Variants in EFNA2 observed in about 807,000 individuals in gnomAD.
EFNA2 encodes the protein ephrin-A2.
Under a neutral mutation model 19.7 loss-of-function variants are expected in EFNA2, and 18 were observed. The ratio of observed to expected loss-of-function variants is 0.91; its 90% CI spans 0.63 to 1.35. The LOEUF (loss-of-function observed/expected upper bound fraction) is 1.35, where lower values mean the gene tolerates loss of function less well. EFNA2 is among the 40% of genes most tolerant of loss of function. The pLI is 0.00. For missense variants in EFNA2, 303 were observed against 296.0 expected (o/e 1.02, Z -0.17); for synonymous variants, 187 against 137.8 (o/e 1.36, Z -2.50).
At chr19:1,284,717 T>A (rs2081455375), upstream of EFNA2, among the ~76,000 whole-genome samples, 1 of 152,160 alleles carries the variant, frequency 6.6e-6, no homozygotes. This position sits in a 1 kb window ranked among gnomAD's most constrained non-coding sequence, Gnocchi z 5.3. Flanking sequence ...CATCTCTGGG[T>A]TCACGGTCCC....
upstream of EFNA2, among the ~76,000 whole-genome samples, chr19:1,285,213 C>T (rs1002806491): frequency 2.0e-5 from 3 of 152,250 alleles, no homozygotes; most frequent in East Asian, 1.9e-4. The surrounding 1 kb of genome is among the most constrained non-coding windows in gnomAD (Gnocchi z 4.1). Flanking sequence ...GCTGTGCCCC[C>T]GGGCAGCGGC....
At position 1,296,023 on chromosome 19, in the gene EFNA2, A is replaced by G. The variant is rs12976067; in HGVS notation, c.454+165A>G. Among the ~76,000 whole-genome samples, 4 of 38,758 alleles carry G rather than the reference A, an allele frequency of 1.0e-4. No homozygotes were observed. The highest frequency in any genetic ancestry group is 1.5e-4 in the Non-Finnish European group (3 of 19,464). 25.4% of individuals were successfully genotyped at this position (38,758 alleles called of 152,430 possible). A position where few individuals can be genotyped will look rare whatever the true frequency, so the allele number is the denominator to read the frequency against. ...AGGGGGGAGTGGGCGGGGCCGCGGA[A>G]TGGGGCCAGGGGGGAGTGGGCGGGG... On this transcript the variant is annotated intron_variant, in intron 2 of 3. Transcript: ENST00000215368. This position sits in a 1 kb window ranked among gnomAD's most constrained non-coding sequence, Gnocchi z 4.4.
rs1416305477 is a variant in EFNA2 at position 1,296,384 on chromosome 19, A to C, written c.454+526A>C. 6.6e-6 allele frequency among the ~76,000 whole-genome samples: 1 copy of C among 152,190 alleles called. No individual in the cohort carries two copies. On this transcript the variant is annotated intron_variant, in intron 2 of 3. Coordinates refer to ENST00000215368, the MANE Select transcript of EFNA2 (RefSeq NM_001405.4). This position sits in a 1 kb window ranked among gnomAD's most constrained non-coding sequence, Gnocchi z 4.4. ...CAGCAGGGGAGGGGAGCTTGGTGGA[A>C]GCCACAGCTAGGCTGAGTGCTGGGG...
Position 1,295,885 on chromosome 19 carries a change from G to C in EFNA2, c.454+27G>C. 5.2e-6 allele frequency: 8 copies of C among 1,546,578 alleles called. No homozygotes were observed. The highest frequency in any genetic ancestry group is 6.9e-6 in the Non-Finnish European group (8 of 1,155,316). Reference sequence around the variant, plus strand: ...TGAGTGGGGTCGGGCCGGGGCTGCCGGGGCCCGAGTGGGCGGGGACGCGGG... The same window carrying C: ...TGAGTGGGGTCGGGCCGGGGCTGCCCGGGCCCGAGTGGGCGGGGACGCGGG... On this transcript the variant is annotated intron_variant, in intron 2 of 3. Coordinates refer to ENST00000215368, the MANE Select transcript of EFNA2 (RefSeq NM_001405.4). This position sits in a 1 kb window ranked among gnomAD's most constrained non-coding sequence, Gnocchi z 5.8.
At position 1,287,815 on chromosome 19, in the gene EFNA2, G is replaced by A. The variant is rs1169422196; in HGVS notation, c.140+1507G>A. Among the ~76,000 whole-genome samples, 3 of 152,234 alleles carry A rather than the reference G, an allele frequency of 2.0e-5. No homozygotes were observed. The highest frequency in any genetic ancestry group is 4.4e-5 in the Non-Finnish European group (3 of 68,032). On this transcript the variant is annotated intron_variant, in intron 1 of 3. Coordinates refer to ENST00000215368, the MANE Select transcript of EFNA2 (RefSeq NM_001405.4). This position sits in a 1 kb window ranked among gnomAD's most constrained non-coding sequence, Gnocchi z 6.2. ...GGCCCAAGTTTTTGGTTTCAGCTGC[G>A]GAATCTCCCGTCCCCAGCGTGGCCT...
At chr19:1,291,758 G>T (rs991899445) in intron 1 of EFNA2, among the ~76,000 whole-genome samples, 1 of 152,114 alleles carries the variant, frequency 6.6e-6, no homozygotes, top group Non-Finnish European at 1.5e-5. Flanking sequence ...AGCTATTAGC[G>T]TCTAATAACT....
Position 1,286,678 on chromosome 19 carries a change from G to A in EFNA2, c.140+370G>A, listed in dbSNP as rs916523904. 2.0e-5 allele frequency among the ~76,000 whole-genome samples: 3 copies of A among 152,136 alleles called. No individual in the cohort carries two copies. The highest frequency in any genetic ancestry group is 4.4e-5 in the Non-Finnish European group (3 of 68,002). ...GACCCCTGATCCACCCGCTTCTCTGGGGAGCCCCCTCGGTTTCGCATTTGG... is the reference window on the plus strand; with the variant it reads ...GACCCCTGATCCACCCGCTTCTCTGAGGAGCCCCCTCGGTTTCGCATTTGG... On this transcript the variant is annotated intron_variant, in intron 1 of 3. Transcript: ENST00000215368. The surrounding 1 kb of genome is among the most constrained non-coding windows in gnomAD (Gnocchi z 5.6).
rs2081514939 is a variant in EFNA2 at position 1,296,189 on chromosome 19, T to C, written c.454+331T>C. 6.6e-6 allele frequency among the ~76,000 whole-genome samples: 1 copy of C among 152,166 alleles called. No individual in the cohort carries two copies. The highest frequency in any genetic ancestry group is 6.5e-5 in the Admixed American group (1 of 15,284). ...GACTTTCCTCGTCCTTCGTTGCATA[T>C]GGGGAAACTGAGGCTTGGAGGGGGA... On this transcript the variant is annotated intron_variant, in intron 2 of 3. Coordinates refer to ENST00000215368, the MANE Select transcript of EFNA2 (RefSeq NM_001405.4). This position sits in a 1 kb window ranked among gnomAD's most constrained non-coding sequence, Gnocchi z 4.4.
At chr19:1,290,810 A>C (rs953110934) in intron 1 of EFNA2, among the ~76,000 whole-genome samples, 2 of 152,162 alleles carry the variant, frequency 1.3e-5, no homozygotes, top group Non-Finnish European at 2.9e-5. Flanking sequence ...CGCCCCAGAC[A>C]CGCGGCTGGA....
At position 1,301,254 on chromosome 19, in the gene EFNA2, G is replaced by A. The variant is rs1336309566; in HGVS notation, c.*1309G>A. On this transcript the variant is annotated 3_prime_UTR_variant, in exon 4 of 4. Transcript: ENST00000215368. The stretch of plus-strand genomic sequence containing the variant: ...ATATAAATATATATTGTGTACGGCC[G>A]CCGGCCGGCGGCTCGAGGCACGCCC... Among the ~76,000 whole-genome samples, 1 of 147,608 alleles carries A rather than the reference G, an allele frequency of 6.8e-6. No individual in the cohort carries two copies. Among genetic ancestry groups the A allele is most frequent in the Non-Finnish European group, 1.5e-5 (1 of 67,070 alleles).
In EFNA2 at chr19:1,295,349, C is replaced by T. The variant is rs566210524; in HGVS notation, c.141-196C>T. Among the ~76,000 whole-genome samples the T allele has an allele frequency of 6.6e-6, 1 of 152,002 alleles. No homozygotes were observed. The highest frequency in any genetic ancestry group is 2.4e-5 in the African/African-American group (1 of 41,448). ...CTCCCCGCGCACACTGACCCGTGCC[C>T]CATGCACCTGTCCCCTGACCCTGTC... is the stretch of plus-strand genomic sequence containing the variant. On this transcript the variant is annotated intron_variant, in intron 1 of 3. Coordinates refer to ENST00000215368, the MANE Select transcript of EFNA2 (RefSeq NM_001405.4). This position sits in a 1 kb window ranked among gnomAD's most constrained non-coding sequence, Gnocchi z 5.8.
At position 1,300,268 on chromosome 19, in the gene EFNA2, T is replaced by TTTTTTTTTTTTTG. The variant is rs1162611028; in HGVS notation, c.*331_*332insTTTTGTTTTTTTT. On this transcript the variant is annotated 3_prime_UTR_variant, in exon 4 of 4. Transcript: ENST00000215368. ...TTTTTTTTTTTTTTTTTTTTTTTTT[T>TTTTTTTTTTTTTG]TTTTTTTTAGTGTATTTTTCGTGGT... The TTTTTTTTTTTTTG allele has an allele frequency of 5.4e-6, 1 of 185,234 alleles. No individual in the cohort carries two copies. The highest frequency in any genetic ancestry group is 1.0e-5 in the Non-Finnish European group (1 of 97,790). The allele number at this position is 185,234 out of a possible 1,614,324, so 11.5% of individuals were successfully genotyped here.
At position 1,299,918 on chromosome 19, in the gene EFNA2, C is replaced by G. The variant is rs530063037; in HGVS notation, c.615C>G (p.Pro205=). The change falls in exon 4 of 4, where the codon CCC becomes CCG. Residue 205 remains proline, a synonymous_variant. Coordinates refer to ENST00000215368, the MANE Select transcript of EFNA2 (RefSeq NM_001405.4). ...GCCGCCTCTTCCTCAGCACCATCCCCGTGCTCTGGACCCTCCTGGGTTCCT... is the reference window on the plus strand; with the variant it reads ...GCCGCCTCTTCCTCAGCACCATCCCGGTGCTCTGGACCCTCCTGGGTTCCT... ...GGCRLFLSTI[P]VLWTLLGS 1.2e-4 allele frequency: 188 copies of G among 1,604,434 alleles called. 2 individuals carry two copies. The South Asian group carries it at 1.7e-3, about 14-fold the overall frequency.
Position 1,294,368 on chromosome 19 carries a change from C to G in EFNA2, c.141-1177C>G, listed in dbSNP as rs1467691588. 2.6e-5 allele frequency among the ~76,000 whole-genome samples: 4 copies of G among 152,182 alleles called. 1 individual carries two copies. The highest frequency in any genetic ancestry group is 2.6e-4 in the Admixed American group (4 of 15,278). ...CTTCCTCGGCTGATCTCTATCCTCA[C>G]AGACGAGGCTGGGTCAGGGGGCTCC... On this transcript the variant is annotated intron_variant, in intron 1 of 3. Transcript: ENST00000215368. This position sits in a 1 kb window ranked among gnomAD's most constrained non-coding sequence, Gnocchi z 5.8.
chr19:1,300,184 G>A lies in EFNA2; in HGVS notation c.*239G>A, dbSNP rs1220945746. ...GCCCGAGGGGCCGGGGTGTGGATGC[G>A]GACCGTGGCCAGGCCATCTCCTCTG... On this transcript the variant is annotated 3_prime_UTR_variant, in exon 4 of 4. Transcript: ENST00000215368. 4 of 442,222 alleles carry A rather than the reference G, an allele frequency of 9.0e-6. No individual in the cohort carries two copies. The highest frequency in any genetic ancestry group is 1.2e-5 in the Non-Finnish European group (3 of 255,366). 27.4% of individuals were successfully genotyped at this position (442,222 alleles called of 1,614,324 possible). A position where few individuals can be genotyped will look rare whatever the true frequency, so the allele number is the denominator to read the frequency against.
At position 1,286,326 on chromosome 19, in the gene EFNA2, C is replaced by CG. The variant is rs1380960972; in HGVS notation, c.140+24dup. ...AACCCCAGGTGAGCGCGGCCGCGCGCGGGGGGCGCCCGGGGACCCCCCAAC... is the reference window on the plus strand; with the variant it reads ...AACCCCAGGTGAGCGCGGCCGCGCGCGGGGGGGCGCCCGGGGACCCCCCAAC... On this transcript the variant is annotated intron_variant, in intron 1 of 3. Coordinates refer to ENST00000215368, the MANE Select transcript of EFNA2 (RefSeq NM_001405.4). The surrounding 1 kb of genome is among the most constrained non-coding windows in gnomAD (Gnocchi z 5.6). 7.3e-5 allele frequency: 72 copies of CG among 987,390 alleles called. No homozygotes were observed. Among genetic ancestry groups the CG allele is most frequent in the Non-Finnish European group, 8.4e-5 (70 of 832,982 alleles). The allele number at this position is 987,390 out of a possible 1,614,324, so 61.2% of individuals were successfully genotyped here. A position where few individuals can be genotyped will look rare whatever the true frequency, so the allele number is the denominator to read the frequency against.
At position 1,286,240 on chromosome 19, in the gene EFNA2, G is replaced by GCGCGCCGAGGACGCCGCC; in HGVS notation, c.79_96dup (p.Glu27_Ala32dup). 8.9e-7 allele frequency: 1 copy of GCGCGCCGAGGACGCCGCC among 1,129,072 alleles called. No individual in the cohort carries two copies. The highest frequency in any genetic ancestry group is 1.9e-5 in the South Asian group (1 of 51,502). The allele number at this position is 1,129,072 out of a possible 1,614,324, so 69.9% of individuals were successfully genotyped here. On this transcript the variant is annotated inframe_insertion, in exon 1 of 4. Coordinates refer to ENST00000215368, the MANE Select transcript of EFNA2 (RefSeq NM_001405.4). The surrounding 1 kb of genome is among the most constrained non-coding windows in gnomAD (Gnocchi z 5.6). Reference sequence around the variant, plus strand: ...TACCGCTGCCGCCGCCGCCCTTCGCGCGCGCCGAGGACGCCGCCCGCGCCA... The same window carrying GCGCGCCGAGGACGCCGCC: ...TACCGCTGCCGCCGCCGCCCTTCGCGCGCGCCGAGGACGCCGCCCGCGCCGAGGACGCCGCCCGCGCCA...
At chr19:1,289,708 C>T (rs1280483796) in intron 1 of EFNA2, among the ~76,000 whole-genome samples, 1 of 152,324 alleles carries the variant, frequency 6.6e-6, no homozygotes, top group East Asian at 1.9e-4. Context: ...GTGTGGGCAG[C>T]AGCCGGGTTC....
Position 1,287,781 on chromosome 19 carries a change from C to T in EFNA2, c.140+1473C>T, listed in dbSNP as rs1451037590. Among the ~76,000 whole-genome samples the T allele has an allele frequency of 6.6e-6, 1 of 152,366 alleles. No homozygotes were observed. Among genetic ancestry groups the T allele is most frequent in the Non-Finnish European group, 1.5e-5 (1 of 68,032 alleles). ...GCCGTGCGGGGAGTCCAGCGGGCAG[C>T]GCTTCCCCGGCCCAAGTTTTTGGTT... On this transcript the variant is annotated intron_variant, in intron 1 of 3. Coordinates refer to ENST00000215368, the MANE Select transcript of EFNA2 (RefSeq NM_001405.4). The surrounding 1 kb of genome is among the most constrained non-coding windows in gnomAD (Gnocchi z 6.2).
Sources: gnomAD v4.1 joint callset for allele counts (sites outside exome capture counted in the v4.1 genomes callset) on GRCh38, gnomAD v4.1.1 for gene constraint, Gnocchi (gnomAD v3.1) non-coding constraint, MANE v1.5 for transcripts, NCBI Gene and HGNC (gene_info 2026-07-23, HGNC 2026-07-21) for gene names.